The following ANKRD24 variants were observed in gnomAD, a reference collection of about 807,000 sequenced individuals.
ANKRD24 encodes the protein ankyrin repeat domain-containing protein 24.
A neutral mutation model predicts 127.8 loss-of-function variants in ANKRD24; 109 were observed. The observed-to-expected ratio is 0.85, with a 90% CI of 0.73 to 1.00. The LOEUF (loss-of-function observed/expected upper bound fraction) is 1.00, where lower values mean the gene tolerates loss of function less well. ANKRD24 is among the 50% of genes least tolerant of loss of function. The pLI is 0.00. For synonymous variants in ANKRD24, 743 were observed against 671.1 expected, an observed-to-expected ratio of 1.11 and a Z score of -1.66; for missense variants, 1,648 against 1,570.2, an observed-to-expected ratio of 1.05 and a Z score of -0.84.
At chr19:4,187,463 C>T (rs532528805) in intron 2 of ANKRD24, among the ~76,000 whole-genome samples, 1 of 152,120 alleles carries the variant, frequency 6.6e-6, no homozygotes, top group East Asian at 1.9e-4. Flanking sequence ...AGAGAGTTTG[C>T]AGGAATTGCA....
chr19:4,224,504 GA>G lies in ANKRD24; in HGVS notation c.3441del (p.Ter1147TrpfsTer10). On this transcript the variant is annotated frameshift_variant and stop_lost, in exon 22 of 22. Coordinates refer to ENST00000318934, the MANE Select transcript of ANKRD24 (RefSeq NM_001393985.1). LOFTEE classifies it high-confidence loss of function. ...QMQRLQAQGR[*>X] The stretch of plus-strand genomic sequence containing the variant: ...CAGAGACTCCAGGCTCAGGGCCGCT[GA>G]GAAAGGCCAGGCCCAGTGGCTACAC... 6.2e-7 allele frequency: 1 copy of G among 1,607,116 alleles called. No homozygotes were observed. The highest frequency in any genetic ancestry group is 8.5e-7 in the Non-Finnish European group (1 of 1,177,078).
rs553144681 is a variant in ANKRD24 at position 4,224,509 on chromosome 19, A to G, written c.*4A>G. ...ACTCCAGGCTCAGGGCCGCTGAGAA[A>G]GGCCAGGCCCAGTGGCTACACTGAC... On this transcript the variant is annotated 3_prime_UTR_variant, in exon 22 of 22. Transcript: ENST00000318934. The G allele has an allele frequency of 1.9e-6, 3 of 1,606,286 alleles. No homozygotes were observed. Among genetic ancestry groups the G allele is most frequent in the African/African-American group, 2.7e-5 (2 of 74,746 alleles).
rs377295871 is a variant in ANKRD24, at chr19:4,200,005, C to T, written c.254C>T (p.Ala85Val). 3.8e-6 allele frequency: 6 copies of T among 1,563,158 alleles called. No homozygotes were observed. Among genetic ancestry groups the T allele is most frequent in the Non-Finnish European group, 5.2e-6 (6 of 1,152,478 alleles). ...AAGCTAGACCCCGAGGGCAAGTCCG[C>T]GTGAGTGCCCGCGACCCGGGAGTGA... ...PTKLDPEGKSAFHLAAMRGAA... is the reference protein window; with the variant it reads ...PTKLDPEGKSVFHLAAMRGAA... The change falls in exon 4 of 22, where the codon GCG becomes GTG. Residue 85 changes from alanine to valine, a missense_variant and splice_region_variant. Coordinates refer to ENST00000318934, the MANE Select transcript of ANKRD24 (RefSeq NM_001393985.1).
Position 4,199,910 on chromosome 19 carries a change from A to C in ANKRD24, c.159A>C (p.Leu53=). The C allele has an allele frequency of 6.4e-7, 1 of 1,570,774 alleles. No homozygotes were observed. Among genetic ancestry groups the C allele is most frequent in the Non-Finnish European group, 8.6e-7 (1 of 1,159,072 alleles). The change falls in exon 4 of 22, where the codon CTA becomes CTC. Residue 53 remains leucine (L), a synonymous_variant. Transcript: ENST00000318934. This position sits in a 1 kb window ranked among gnomAD's most constrained non-coding sequence, Gnocchi z 5.2. ...QDWGKSDERL[L]QAVENNDAPR... is the part of the protein sequence containing the mutation. Reference sequence around the variant, plus strand: ...GGGGCAAGAGTGACGAGAGGCTGCTACAAGCCGTGGAAAACAACGATGCAC... The same window carrying C: ...GGGGCAAGAGTGACGAGAGGCTGCTCCAAGCCGTGGAAAACAACGATGCAC...
Position 4,213,074 on chromosome 19 carries a change from T to C in ANKRD24, c.1197+376T>C, listed in dbSNP as rs551522418. ...TGAACCCGGGAGGCGTAGTCTGCAG[T>C]GAGCTGAGGTCGCACCACTGCACTC... On this transcript the variant is annotated intron_variant, in intron 15 of 21. Coordinates refer to ENST00000318934, the MANE Select transcript of ANKRD24 (RefSeq NM_001393985.1). Among the ~76,000 whole-genome samples, 5 of 152,216 alleles carry C rather than the reference T, an allele frequency of 3.3e-5. No individual in the cohort carries two copies. In the East Asian group the frequency reaches 9.7e-4, roughly 30 times the overall value.
In ANKRD24 at chr19:4,218,012, G is replaced by A. The variant is rs774871512; in HGVS notation, c.2852G>A (p.Arg951His). Residue 951 changes from arginine to histidine, a missense_variant, in exon 18 of 22, where the codon CGC becomes CAC. Physicochemically the swap from Arg to His is conservative, Grantham distance 29. Coordinates refer to ENST00000318934, the MANE Select transcript of ANKRD24 (RefSeq NM_001393985.1). ...ACGGGCAAGGAGGCCGCCCGGCTGC[G>A]CGCGGAGCTGGAGCGGGAGCGTGTG... ...VATGKEAARL[R>H]AELERERVCS... 6 of 1,546,976 alleles carry A rather than the reference G, an allele frequency of 3.9e-6. No individual in the cohort carries two copies. In the South Asian group the frequency reaches 5.9e-5, roughly 15 times the overall value.
chr19:4,190,650 T>A (rs1444918486), intron 2 of ANKRD24, among the ~76,000 whole-genome samples: 4 of 151,476 alleles, frequency 2.6e-5, no homozygotes, highest in African/African-American at 7.3e-5. Flanking sequence ...GGAAAATCTC[T>A]TGAACCCAGG....
intron 7 of ANKRD24, among the ~76,000 whole-genome samples, chr19:4,203,985 G>A (rs1969244877): frequency 9.9e-6 from 1 of 100,744 alleles, no homozygotes. Context: ...TTTTTTTGAG[G>A]TGGAGTCTCG....
rs748681403 is a variant in ANKRD24, at chr19:4,198,541, C to T, written c.37-1142C>T. ...CAGCCGCCTCCTTCGCGGTAGGGCC[C>T]GGGGAGGGGGCGCAGGAGCGGGCGG... On this transcript the variant is annotated intron_variant, in intron 2 of 21. Transcript: ENST00000318934. This position sits in a 1 kb window ranked among gnomAD's most constrained non-coding sequence, Gnocchi z 6.1. 7.0e-6 allele frequency: 4 copies of T among 570,188 alleles called. No individual in the cohort carries two copies. The South Asian group carries it at 7.9e-5, about 11-fold the overall frequency. The allele number at this position is 570,188 out of a possible 1,614,324, so 35.3% of individuals were successfully genotyped here.
At chr19:4,219,259 C>T (rs1017682793) in intron 18 of ANKRD24, among the ~76,000 whole-genome samples, 2 of 151,654 alleles carry the variant, frequency 1.3e-5, no homozygotes, top group Admixed American at 6.6e-5. Flanking sequence ...GCACTCCAGC[C>T]TAGGCGACAG....
In ANKRD24 at chr19:4,199,801, G is replaced by A. The variant is rs80196241; in HGVS notation, c.123+32G>A. ...GCCCAGGGGCAGGTGGTGAGAGCCC[G>A]GAGCCCCTGTCGGGGGCGTGGGGAG... On this transcript the variant is annotated intron_variant, in intron 3 of 21. Transcript: ENST00000318934. This position sits in a 1 kb window ranked among gnomAD's most constrained non-coding sequence, Gnocchi z 5.2. The A allele has an allele frequency of 2.1e-5, 32 of 1,514,266 alleles. No individual in the cohort carries two copies. The highest frequency in any genetic ancestry group is 4.1e-5 in the Admixed American group (2 of 48,550). 93.8% of individuals were successfully genotyped at this position (1,514,266 alleles called of 1,614,324 possible).
rs1380291297 is a variant in ANKRD24, at chr19:4,217,843, G to A, written c.2683G>A (p.Ala895Thr). The change falls in exon 18 of 22, where the codon GCG (alanine) becomes ACG (threonine). Residue 895 changes from alanine (A) to threonine (T), a missense_variant. Ala to Thr is a moderately conservative substitution (Grantham distance 58, BLOSUM62 0). Coordinates refer to ENST00000318934, the MANE Select transcript of ANKRD24 (RefSeq NM_001393985.1). Reference sequence around the variant, plus strand: ...TGAGCTGCCTGCGGCCTGCGAGGAGGCGCGGCAGGGCCTGGCCGAGCTGCG... The same window carrying A: ...TGAGCTGCCTGCGGCCTGCGAGGAGACGCGGCAGGGCCTGGCCGAGCTGCG... ...VAELPAACEEARQGLAELREA... is the reference protein window; with the variant it reads ...VAELPAACEETRQGLAELREA... The A allele has an allele frequency of 1.4e-6, 2 of 1,436,718 alleles. No homozygotes were observed. Among genetic ancestry groups the A allele is most frequent in the Non-Finnish European group, 1.8e-6 (2 of 1,100,508 alleles). 89.0% of individuals were successfully genotyped at this position (1,436,718 alleles called of 1,614,324 possible).
chr19:4,217,816 G>C lies in ANKRD24; in HGVS notation c.2656G>C (p.Ala886Pro). 1 of 1,397,336 alleles carries C rather than the reference G, an allele frequency of 7.2e-7. No homozygotes were observed. The highest frequency in any genetic ancestry group is 9.3e-7 in the Non-Finnish European group (1 of 1,080,446). The allele number at this position is 1,397,336 out of a possible 1,614,324, so 86.6% of individuals were successfully genotyped here. A position where few individuals can be genotyped will look rare whatever the true frequency, so the allele number is the denominator to read the frequency against. The stretch of plus-strand genomic sequence containing the variant: ...ACGGGACGCCGCTGAGGCCCGAGTG[G>C]CTGAGCTGCCTGCGGCCTGCGAGGA... ...RARDAAEARV[A>P]ELPAACEEAR... The change falls in exon 18 of 22, where the codon GCT becomes CCT. Residue 886 changes from alanine (A) to proline (P), a missense_variant. By Grantham distance (27) the Ala-to-Pro change is conservative (BLOSUM62 -1). Transcript: ENST00000318934.
chr19:4,222,100 A>G (rs2145427181), intron 19 of ANKRD24, among the ~76,000 whole-genome samples: 1 of 152,368 alleles, frequency 6.6e-6, no homozygotes, highest in Non-Finnish European at 1.5e-5. Flanking sequence ...CTAAGTTAAG[A>G]ACTATTGGCC....
chr19:4,190,462 C>T (rs140233780), intron 2 of ANKRD24, among the ~76,000 whole-genome samples: 2,071 of 150,096 alleles, frequency 0.014, 37 homozygotes, highest in African/African-American at 0.048. Flanking sequence ...TGGTGGCTCA[C>T]GTCTGTAATC....
In ANKRD24 at chr19:4,198,180, C is replaced by A. The variant is rs1056825987; in HGVS notation, c.37-1503C>A. 7 of 569,190 alleles carry A rather than the reference C, an allele frequency of 1.2e-5. No individual in the cohort carries two copies. In the Admixed American group the frequency reaches 1.9e-4, roughly 16 times the overall value. 35.3% of individuals were successfully genotyped at this position (569,190 alleles called of 1,614,324 possible). A position where few individuals can be genotyped will look rare whatever the true frequency, so the allele number is the denominator to read the frequency against. On this transcript the variant is annotated intron_variant, in intron 2 of 21. Coordinates refer to ENST00000318934, the MANE Select transcript of ANKRD24 (RefSeq NM_001393985.1). The surrounding 1 kb of genome is among the most constrained non-coding windows in gnomAD (Gnocchi z 6.1). ...TGCGCTGGTGAGGGAGCCGGGCCCCCGGCGCCGCGTCCTCCTCATCCTCCA... is the reference window on the plus strand; with the variant it reads ...TGCGCTGGTGAGGGAGCCGGGCCCCAGGCGCCGCGTCCTCCTCATCCTCCA...
At chr19:4,223,282 T>A (rs1970542061) in intron 20 of ANKRD24, among the ~76,000 whole-genome samples, 1 of 150,392 alleles carries the variant, frequency 6.6e-6, no homozygotes, top group Non-Finnish European at 1.5e-5. Context: ...TAGGCTGGAG[T>A]GCAGTGGTGC....
intron 1 of ANKRD24, chr19:4,183,461 CACAA>C: frequency 1.1e-5 from 6 of 555,442 alleles, no homozygotes; most frequent in Non-Finnish European, 1.4e-5. Flanking sequence ...TGCGGGTGGA[CACAA>C]ACATGTGACC....
rs2145270661 is a variant in ANKRD24, at chr19:4,198,357, G to A, written c.37-1326G>A. ...GGCGGCACCAGGGAGGGCGGGACCG[G>A]GCGGGCGGGCGGGGCGGGGAGCTCC... On this transcript the variant is annotated intron_variant, in intron 2 of 21. Transcript: ENST00000318934. This position sits in a 1 kb window ranked among gnomAD's most constrained non-coding sequence, Gnocchi z 6.1. The A allele has an allele frequency of 2.5e-6, 1 of 397,560 alleles. No individual in the cohort carries two copies. The highest frequency in any genetic ancestry group is 9.6e-5 in the South Asian group (1 of 10,468). 24.6% of individuals were successfully genotyped at this position (397,560 alleles called of 1,614,324 possible).
Sources: gnomAD v4.1 joint callset for allele counts (sites outside exome capture counted in the v4.1 genomes callset) on GRCh38, gnomAD v4.1.1 for gene constraint, Gnocchi (gnomAD v3.1) non-coding constraint, MANE v1.5 for transcripts, NCBI Gene and HGNC (gene_info 2026-07-23, HGNC 2026-07-21) for gene names.